The following PHAX variants were observed in gnomAD, a reference collection of about 807,000 sequenced individuals.
The protein encoded by PHAX is phosphorylated adapter RNA export protein.
In PHAX, 31 loss-of-function variants were observed where a neutral mutation model predicts 41.6. The ratio of observed to expected loss-of-function variants is 0.75; its 90% confidence interval spans 0.56 to 1.01. The LOEUF (loss-of-function observed/expected upper bound fraction) is 1.01, where lower values mean the gene tolerates loss of function less well. Ranked by LOEUF, PHAX falls within the 50% of genes least tolerant of loss-of-function variation. PHAX has a pLI of 0.00. For synonymous variants in PHAX, 175 were observed against 164.9 expected (o/e 1.06, Z -0.47); for missense variants, 453 against 472.9 (o/e 0.96, Z 0.39).
At position 126,624,727 on chromosome 5, in the gene PHAX, T is replaced by C. The variant is rs1474720636; in HGVS notation, c.1068T>C (p.Ser356=). 6.2e-7 allele frequency: 1 copy of C among 1,614,164 alleles called. No individual in the cohort carries two copies. The highest frequency in any genetic ancestry group is 1.1e-5 in the South Asian group (1 of 91,076). The change falls in exon 5 of 5, where the codon AGT becomes AGC. Residue 356 remains serine, a synonymous_variant. Coordinates refer to ENST00000297540, the MANE Select transcript of PHAX (RefSeq NM_032177.4). The part of the protein sequence containing the change: ...DDDTSRETFA[S]DTNEALASLD... ...ATACATCACGAGAAACTTTTGCAAG[T>C]GACACGAATGAGGCCTTGGCCTCTC...
At chr5:126,606,743 C>T (rs564767550) in intron 2 of PHAX, among the ~76,000 whole-genome samples, 21 of 152,200 alleles carry the variant, frequency 1.4e-4, no homozygotes, top group African/African-American at 5.1e-4. Context: ...CCTCCGCCTC[C>T]TGGGTTCAAT....
chr5:126,607,498 G>A (rs1424401363), intron 2 of PHAX, among the ~76,000 whole-genome samples: 1 of 149,020 alleles, frequency 6.7e-6, no homozygotes, highest in South Asian at 2.1e-4. Flanking sequence ...TCAGCCTCAG[G>A]GTTCAAGCAA....
At chr5:126,623,943 A>G (rs185331436) in intron 4 of PHAX, among the ~76,000 whole-genome samples, 8 of 151,184 alleles carry the variant, frequency 5.3e-5, no homozygotes, top group African/African-American at 9.7e-5. Context: ...CAGGTTGACA[A>G]TCCCTAATCT....
Position 126,626,393 on chromosome 5 carries a change from A to G in PHAX, c.*1549A>G, listed in dbSNP as rs1200928717. 6.6e-6 allele frequency: 1 copy of G among 152,098 alleles called. No individual in the cohort carries two copies. Among genetic ancestry groups the G allele is most frequent in the African/African-American group, 2.4e-5 (1 of 41,404 alleles). The allele number at this position is 152,098 out of a possible 1,614,324, so 9.4% of individuals were successfully genotyped here. The stretch of plus-strand genomic sequence containing the variant: ...TAGATCATTTGAGGTCAGGAGTTCA[A>G]AACCAACCTGGTCTACATGGTGAAA... On this transcript the variant is annotated 3_prime_UTR_variant, in exon 5 of 5. Coordinates refer to ENST00000297540, the MANE Select transcript of PHAX (RefSeq NM_032177.4).
chr5:126,611,299 CGGCCTCGGCCTCCCAAA>C (rs545649230), intron 3 of PHAX, among the ~76,000 whole-genome samples: 278 of 152,284 alleles, frequency 1.8e-3, no homozygotes, highest in African/African-American at 5.9e-3. Context: ...GGTGATCTGC[CGGCCTCGGCCTCCCAAA>C]GTGCTGGGAT....
chr5:126,616,773 A>T (rs778246006), intron 3 of PHAX, among the ~76,000 whole-genome samples: 2 of 151,742 alleles, frequency 1.3e-5, no homozygotes, highest in African/African-American at 4.8e-5. Flanking sequence ...CCAGCTACTC[A>T]GGAGGCTGAG....
intron 3 of PHAX, 86 bp downstream of exon 3, chr5:126,608,570 A>T: frequency 9.6e-7 from 1 of 1,041,936 alleles, no homozygotes; most frequent in South Asian, 1.4e-5. Context: ...CCCTTGTTGG[A>T]TCTGTGATTT....
intron 4 of PHAX, 25 bp from the exon 5 acceptor site, chr5:126,624,550 T>C: frequency 6.5e-7 from 1 of 1,537,668 alleles, no homozygotes; most frequent in Non-Finnish European, 8.8e-7. Context: ...AGTTCTTGTT[T>C]ACTAACTTTG....
At position 126,625,594 on chromosome 5, in the gene PHAX, C is replaced by T. The variant is rs1394963780; in HGVS notation, c.*750C>T. The T allele has an allele frequency of 1.6e-5, 2 of 124,248 alleles. No homozygotes were observed. The highest frequency in any genetic ancestry group is 7.2e-5 in the African/African-American group (2 of 27,962). 7.7% of individuals were successfully genotyped at this position (124,248 alleles called of 1,614,324 possible). A position where few individuals can be genotyped will look rare whatever the true frequency, so the allele number is the denominator to read the frequency against. On this transcript the variant is annotated 3_prime_UTR_variant, in exon 5 of 5. Transcript: ENST00000297540. Reference sequence around the variant, plus strand: ...CCTGGGCGACAGAGCAAGACTCTGTCTCAAAAAAAAAAAAAAATACAATTA... The same window carrying T: ...CCTGGGCGACAGAGCAAGACTCTGTTTCAAAAAAAAAAAAAAATACAATTA...
chr5:126,624,928 A>G lies in PHAX; in HGVS notation c.*84A>G, dbSNP rs564176249. 9.1e-6 allele frequency: 11 copies of G among 1,206,536 alleles called. No individual in the cohort carries two copies. The African/African-American group carries it at 1.5e-4, about 17-fold the overall frequency. 74.7% of individuals were successfully genotyped at this position (1,206,536 alleles called of 1,614,324 possible). A position where few individuals can be genotyped will look rare whatever the true frequency, so the allele number is the denominator to read the frequency against. ...TTTTACTGAGATTGCAACGTTTTGC[A>G]CTGATAAACATGAGAATCTGGAGGA... On this transcript the variant is annotated 3_prime_UTR_variant, in exon 5 of 5. Transcript: ENST00000297540.
At chr5:126,612,489 C>G (rs1266580527) in intron 3 of PHAX, among the ~76,000 whole-genome samples, 1 of 152,126 alleles carries the variant, frequency 6.6e-6, no homozygotes, top group East Asian at 1.9e-4. Context: ...CACCTGAGGT[C>G]AGGAGTTGAG....
intron 3 of PHAX, among the ~76,000 whole-genome samples, chr5:126,616,347 C>G (rs972576330): frequency 6.6e-6 from 1 of 152,102 alleles, no homozygotes; most frequent in Non-Finnish European, 1.5e-5. Context: ...CCACCCGCCT[C>G]GGCGTCCAAA....
At chr5:126,619,215 C>T (rs1388929555) in intron 4 of PHAX, among the ~76,000 whole-genome samples, 2 of 152,170 alleles carry the variant, frequency 1.3e-5, no homozygotes, top group East Asian at 3.8e-4. Context: ...GTGTTAGCCA[C>T]CTTGCCTGGC....
chr5:126,601,039 A>G lies in PHAX; in HGVS notation c.77A>G (p.Asp26Gly), dbSNP rs928897408. The G allele has an allele frequency of 1.2e-6, 2 of 1,606,950 alleles. No homozygotes were observed. The highest frequency in any genetic ancestry group is 2.7e-5 in the African/African-American group (2 of 73,660). The change falls in exon 1 of 5, where the codon GAC becomes GGC. Residue 26 changes from aspartate to glycine, a missense_variant. By Grantham distance (94) the Asp-to-Gly change is moderately conservative (BLOSUM62 -1). Transcript: ENST00000297540. ...TCCGACATGACGGTCGCACCCAGCG[A>G]CAGGCCGCTGCAATTGCCAGTGAGT... Reference protein sequence around the residue: ...SDSDMTVAPSDRPLQLPKVLG... With the variant: ...SDSDMTVAPSGRPLQLPKVLG...
chr5:126,620,351 C>G (rs1359130272), intron 4 of PHAX, among the ~76,000 whole-genome samples: 2 of 152,172 alleles, frequency 1.3e-5, no homozygotes, highest in Non-Finnish European at 2.9e-5. Context: ...AAGATACCTT[C>G]TAAGTAACTA....
chr5:126,607,863 T>G (rs1561679693), intron 2 of PHAX, among the ~76,000 whole-genome samples: 1 of 152,188 alleles, frequency 6.6e-6, no homozygotes, highest in Non-Finnish European at 1.5e-5. Context: ...CTTAGGATTG[T>G]GCTTATTATA....
intron 3 of PHAX, among the ~76,000 whole-genome samples, chr5:126,613,313 C>T (rs1039687565): frequency 6.6e-6 from 1 of 152,156 alleles, no homozygotes. Context: ...TGTGCCACTG[C>T]ACTCCATCCT....
chr5:126,617,700 A>G (rs1258165797), intron 4 of PHAX, among the ~76,000 whole-genome samples: 1 of 152,058 alleles, frequency 6.6e-6, no homozygotes, highest in Non-Finnish European at 1.5e-5. Context: ...ACTGGTCTCA[A>G]ACTCCTGACC....
rs57270218 is a variant in PHAX, at chr5:126,604,274, C to CTTTTTTTTTTTTTTTT, written c.710+95_710+110dup. Reference sequence around the variant, plus strand: ...TGCCAAATACTTTAATGATATGTTCCTTTTTTTTTTTTTTTTTTTGGAGAC... The same window carrying CTTTTTTTTTTTTTTTT: ...TGCCAAATACTTTAATGATATGTTCCTTTTTTTTTTTTTTTTTTTTTTTTTTTTTTTTTTTGGAGAC... On this transcript the variant is annotated intron_variant, in intron 2 of 4. Transcript: ENST00000297540. The CTTTTTTTTTTTTTTTT allele has an allele frequency of 1.1e-4, 73 of 645,830 alleles. 4 individuals carry two copies. In the African/African-American group the frequency reaches 1.7e-3, roughly 15 times the overall value. 40.0% of individuals were successfully genotyped at this position (645,830 alleles called of 1,614,324 possible).
Sources: allele counts gnomAD v4.1 joint callset (sites outside exome capture counted in the v4.1 genomes callset), GRCh38; gene constraint gnomAD v4.1.1; transcripts MANE v1.5; gene names NCBI Gene and HGNC (gene_info 2026-07-23, HGNC 2026-07-21).